Variants in CHSY3 observed in about 807,000 individuals in gnomAD.
CHSY3 encodes N-acetylgalactosaminyl-proteoglycan 3-beta-glucuronosyltransferase 3.
In CHSY3, 35 loss-of-function variants were observed where a neutral mutation model predicts 67.2. The ratio of observed to expected loss-of-function variants is 0.52; its 90% CI spans 0.40 to 0.69. The LOEUF (loss-of-function observed/expected upper bound fraction) is 0.69. Ranked by LOEUF, CHSY3 falls within the 30% of genes least tolerant of loss-of-function variation. The pLI is 0.00. For missense variants in CHSY3, 1,069 were observed against 1,138.5 expected (o/e 0.94, Z 0.88); for synonymous variants, 474 against 434.7 (o/e 1.09, Z -1.12).
intron 2 of CHSY3, among the ~76,000 whole-genome samples, chr5:130,095,361 T>C (rs1207691486): frequency 6.6e-6 from 1 of 152,174 alleles, no homozygotes; most frequent in African/African-American, 2.4e-5. Flanking sequence ...AAGTTGCATC[T>C]AGAGCATCTT....
rs1770349904 is a variant in CHSY3, at chr5:130,184,500, A to G, written c.1358A>G (p.Asn453Ser). The change falls in exon 3 of 3, where the codon AAC (asparagine) becomes AGC (serine). Residue 453 changes from asparagine to serine, a missense_variant. Asn to Ser is a conservative substitution (Grantham distance 46, BLOSUM62 1). Around this residue, in one of 5 missense-constraint regions of CHSY3, gnomAD observed 401 missense variants for 395.2 expected, o/e 1.01. Transcript: ENST00000305031. ...DQQLGVIPSF[N>S]HFQPRERNEV... ...CAGCTGGGAGTGATACCTTCTTTCAACCACTTCCAGCCTCGGGAGAGAAAT... is the reference window on the plus strand; with the variant it reads ...CAGCTGGGAGTGATACCTTCTTTCAGCCACTTCCAGCCTCGGGAGAGAAAT... The G allele has an allele frequency of 6.2e-7, 1 of 1,612,070 alleles. No homozygotes were observed. Among genetic ancestry groups the G allele is most frequent in the Admixed American group, 1.7e-5 (1 of 59,956 alleles).
rs185553205 is a variant in CHSY3 at position 129,926,619 on chromosome 5, T to A, written c.1086+18259T>A. On this transcript the variant is annotated intron_variant, in intron 2 of 2. Transcript: ENST00000305031. ...TCTTGTTTTGGTTTCCCTTTTTTTT[T>A]AAATAATCTTAATGATTTATGCAGT... Among the ~76,000 whole-genome samples, 535 of 152,054 alleles carry A rather than the reference T, an allele frequency of 3.5e-3. 14 individuals carry two copies. The highest frequency in any genetic ancestry group is 0.03 in the Admixed American group (464 of 15,280).
intron 2 of CHSY3, among the ~76,000 whole-genome samples, chr5:130,045,089 C>G (rs1159316869): frequency 6.6e-6 from 1 of 152,086 alleles, no homozygotes; most frequent in Non-Finnish European, 1.5e-5. Context: ...CTCCTGTGCT[C>G]AAGAAATCCT....
intron 2 of CHSY3, among the ~76,000 whole-genome samples, chr5:130,143,880 A>T (rs2149721203): frequency 7.3e-6 from 1 of 136,234 alleles, no homozygotes; most frequent in African/African-American, 2.7e-5. Context: ...CTGCCAAACT[A>T]TTTTCCAAAG....
chr5:130,124,236 A>G (rs762110698), intron 2 of CHSY3, among the ~76,000 whole-genome samples: 6 of 152,082 alleles, frequency 3.9e-5, no homozygotes, highest in Non-Finnish European at 7.4e-5. Context: ...GGGCCAAAAT[A>G]GCTCCACATT....
At chr5:130,003,538 G>C (rs1763793189) in intron 2 of CHSY3, among the ~76,000 whole-genome samples, 1 of 152,102 alleles carries the variant, frequency 6.6e-6, no homozygotes, top group African/African-American at 2.4e-5. Flanking sequence ...AATTGGGAGA[G>C]GATTCCATTT....
Position 130,002,162 on chromosome 5 carries a change from G to C in CHSY3, c.1086+93802G>C, listed in dbSNP as rs1763744956. Reference sequence around the variant, plus strand: ...AGAGAATCATTCAGGTTTCCACCTTGTATGCCATAGGGCTCAGGACAAGTT... The same window carrying C: ...AGAGAATCATTCAGGTTTCCACCTTCTATGCCATAGGGCTCAGGACAAGTT... On this transcript the variant is annotated intron_variant, in intron 2 of 2. Coordinates refer to ENST00000305031, the MANE Select transcript of CHSY3 (RefSeq NM_175856.5). 1.5e-5 allele frequency: 9 copies of C among 617,808 alleles called. No individual in the cohort carries two copies. The South Asian group carries it at 6.4e-4, about 44-fold the overall frequency. 38.3% of individuals were successfully genotyped at this position (617,808 alleles called of 1,614,324 possible). A position where few individuals can be genotyped will look rare whatever the true frequency, so the allele number is the denominator to read the frequency against.
intron 2 of CHSY3, among the ~76,000 whole-genome samples, chr5:130,102,141 A>G (rs1767265729): frequency 6.6e-6 from 1 of 152,148 alleles, no homozygotes; most frequent in East Asian, 1.9e-4. Context: ...TTGTATATTA[A>G]CATTGTTAAC....
rs538277860 is a variant in CHSY3 at position 129,951,727 on chromosome 5, T to C, written c.1086+43367T>C. On this transcript the variant is annotated intron_variant, in intron 2 of 2. Transcript: ENST00000305031. ...TGAGAATTCATGTACATAGAAGCGG[T>C]CTAAACCATTGGCCATCTATGTAGA... Among the ~76,000 whole-genome samples the C allele has an allele frequency of 5.9e-5, 9 of 152,286 alleles. No homozygotes were observed. The East Asian group carries it at 1.5e-3, about 26-fold the overall frequency.
At chr5:129,931,323 A>G (rs1196853149) in intron 2 of CHSY3, among the ~76,000 whole-genome samples, 1 of 152,238 alleles carries the variant, frequency 6.6e-6, no homozygotes, top group East Asian at 1.9e-4. Flanking sequence ...AAACACAGCC[A>G]TTATTTAATT....
intron 2 of CHSY3, among the ~76,000 whole-genome samples, chr5:129,981,063 A>C (rs1247535730): frequency 6.6e-6 from 1 of 150,718 alleles, no homozygotes; most frequent in East Asian, 1.9e-4. Flanking sequence ...AAAAAAAAAA[A>C]AAAAAAAATT....
chr5:129,938,181 A>G (rs1349453405), intron 2 of CHSY3, among the ~76,000 whole-genome samples: 1 of 152,168 alleles, frequency 6.6e-6, no homozygotes, highest in East Asian at 1.9e-4. Context: ...GGTCCCTTTT[A>G]GCCATGGCTA....
At chr5:130,075,518 T>C (rs1263357744) in intron 2 of CHSY3, among the ~76,000 whole-genome samples, 1 of 152,190 alleles carries the variant, frequency 6.6e-6, no homozygotes, top group African/African-American at 2.4e-5. Flanking sequence ...TCATTCAAAC[T>C]CTTATTTTTC....
intron 2 of CHSY3, among the ~76,000 whole-genome samples, chr5:130,029,529 T>C (rs1580665592): frequency 6.6e-6 from 1 of 152,098 alleles, no homozygotes; most frequent in South Asian, 2.1e-4. Flanking sequence ...ATTTACTGGG[T>C]CTCCATGTGT....
intron 2 of CHSY3, among the ~76,000 whole-genome samples, chr5:129,937,701 A>T (rs189554525): frequency 2.6e-5 from 4 of 152,278 alleles, no homozygotes; most frequent in African/African-American, 9.6e-5. Context: ...AAATGCTCCT[A>T]TTCCAAATGA....
At chr5:130,161,098 G>T (rs2149728234) in intron 2 of CHSY3, among the ~76,000 whole-genome samples, 1 of 151,596 alleles carries the variant, frequency 6.6e-6, no homozygotes, top group Non-Finnish European at 1.5e-5. Context: ...TTGAGACTGG[G>T]TTTCATCATG....
chr5:129,945,519 A>AC (rs58050211), intron 2 of CHSY3, among the ~76,000 whole-genome samples: 88,456 of 151,442 alleles, frequency 0.58, 26,026 homozygotes, highest in African/African-American at 0.67. Context: ...TTGACTTTAT[A>AC]TATCAAGTCC....
intron 2 of CHSY3, among the ~76,000 whole-genome samples, chr5:129,971,143 G>T (rs995601358): frequency 9.9e-5 from 15 of 151,674 alleles, no homozygotes; most frequent in African/African-American, 3.6e-4. Flanking sequence ...AGGTTTTCAG[G>T]ATTATTCTGT....
intron 2 of CHSY3, among the ~76,000 whole-genome samples, chr5:129,988,027 A>G (rs1361019724): frequency 4.6e-5 from 7 of 152,210 alleles, no homozygotes; most frequent in African/African-American, 1.7e-4. Context: ...ATCTACAGAT[A>G]TGCTTGTGTA....
Sources: allele counts gnomAD v4.1 joint callset (sites outside exome capture counted in the v4.1 genomes callset), GRCh38; gene constraint gnomAD v4.1.1; regional missense constraint gnomAD v4.1.1; transcripts MANE v1.5; gene names NCBI Gene and HGNC (gene_info 2026-07-23, HGNC 2026-07-21).